The following NAV2 variants were observed in gnomAD, a reference collection of about 807,000 sequenced individuals.
NAV2 encodes the protein neuron navigator 2.
A neutral mutation model predicts 223.2 loss-of-function variants in NAV2; 54 were observed. The ratio of observed to expected loss-of-function variants is 0.24; its 90% CI spans 0.19 to 0.30. The LOEUF (loss-of-function observed/expected upper bound fraction) is 0.30. NAV2 is among the 10% of genes least tolerant of loss of function. NAV2 has a pLI of 1.00. For missense variants in NAV2, 2,806 were observed against 3,147.5 expected (o/e 0.89, Z 2.60); for synonymous variants, 1,279 against 1,239.3 (o/e 1.03, Z -0.67).
chr11:20,033,346 C>T (rs1486848435), intron 11 of NAV2, among the ~76,000 whole-genome samples: 5 of 152,264 alleles, frequency 3.3e-5, no homozygotes, highest in Non-Finnish European at 7.3e-5. Flanking sequence ...TAGGACGGCC[C>T]TTTGTATAGA....
intron 14 of NAV2, among the ~76,000 whole-genome samples, chr11:20,046,085 C>T (rs777125361): frequency 5.3e-5 from 8 of 152,188 alleles, no homozygotes; most frequent in Non-Finnish European, 1.2e-4. Context: ...CCTGTAATCC[C>T]AGCACTTTGG....
At chr11:19,551,134 T>C (rs2044677159) in intron 1 of NAV2, among the ~76,000 whole-genome samples, 1 of 152,260 alleles carries the variant, frequency 6.6e-6, no homozygotes. Context: ...TTGCATGCTG[T>C]CCTGGGGGAA....
intron 3 of NAV2, among the ~76,000 whole-genome samples, chr11:19,862,306 C>G (rs993083485): frequency 1.3e-5 from 2 of 152,206 alleles, no homozygotes; most frequent in Non-Finnish European, 2.9e-5. Context: ...AAGGCAGGAG[C>G]TGGGCAAGGT....
At chr11:19,814,507 G>A (rs1044442004) in intron 1 of NAV2, among the ~76,000 whole-genome samples, 4 of 152,314 alleles carry the variant, frequency 2.6e-5, no homozygotes, top group South Asian at 2.1e-4. Flanking sequence ...AAAAAGGCAA[G>A]ATGCATTTTT....
At chr11:19,547,406 G>T (rs989955239) in intron 1 of NAV2, among the ~76,000 whole-genome samples, 2 of 152,166 alleles carry the variant, frequency 1.3e-5, no homozygotes, top group Non-Finnish European at 2.9e-5. Flanking sequence ...CTTTCTTCTG[G>T]TTTTTCTAAT....
intron 28 of NAV2, 41 bp downstream of exon 28, chr11:20,092,409 A>G: frequency 6.3e-7 from 1 of 1,581,540 alleles, no homozygotes; most frequent in Non-Finnish European, 8.6e-7. Flanking sequence ...ATGGACCTAC[A>G]GCTGGCACCC....
intron 1 of NAV2, among the ~76,000 whole-genome samples, chr11:19,618,394 A>ATGGG (rs1379105224): frequency 4.5e-4 from 15 of 33,620 alleles, no homozygotes; most frequent in South Asian, 4.4e-3. Context: ...GGATGGATGG[A>ATGGG]TGAATAGATG....
intron 1 of NAV2, among the ~76,000 whole-genome samples, chr11:19,801,168 C>T (rs2058227189): frequency 6.6e-6 from 1 of 152,322 alleles, no homozygotes; most frequent in Non-Finnish European, 1.5e-5. Flanking sequence ...ATGTGGCAGC[C>T]AGACAGGTCA....
chr11:19,642,277 G>A (rs1311970719), intron 1 of NAV2, among the ~76,000 whole-genome samples: 1 of 152,156 alleles, frequency 6.6e-6, no homozygotes. Context: ...TAAGCTCCAG[G>A]GTGCTTCATC....
intron 36 of NAV2, 33 bp from the exon 37 acceptor site, chr11:20,114,559 C>A (rs1443069949): frequency 6.2e-7 from 1 of 1,610,106 alleles, no homozygotes; most frequent in Non-Finnish European, 8.5e-7. Context: ...ATCTGGGCCA[C>A]TTCCAGACTG....
At chr11:19,445,957 T>C (rs114972799) in intron 1 of NAV2, among the ~76,000 whole-genome samples, 14 of 152,304 alleles carry the variant, frequency 9.2e-5, no homozygotes, top group African/African-American at 3.4e-4. Flanking sequence ...CCATTCTCTG[T>C]TGTAGACTCA....
intron 10 of NAV2, among the ~76,000 whole-genome samples, chr11:19,967,379 A>AG (rs1249132262): frequency 7.0e-6 from 1 of 142,290 alleles, no homozygotes; most frequent in Non-Finnish European, 1.5e-5. Flanking sequence ...CTAGGTTTTA[A>AG]GGGGTTCAGA....
intron 10 of NAV2, among the ~76,000 whole-genome samples, chr11:19,955,746 G>T (rs111972937): frequency 0.013 from 1,911 of 152,296 alleles, 48 homozygotes; most frequent in African/African-American, 0.044. Context: ...ATCAAAGGGG[G>T]TAGATTAATA....
At chr11:19,626,269 A>G (rs1166725877) in intron 1 of NAV2, among the ~76,000 whole-genome samples, 1 of 152,156 alleles carries the variant, frequency 6.6e-6, no homozygotes, top group Non-Finnish European at 1.5e-5. Flanking sequence ...TCCCAACACC[A>G]TTTATTGAAG....
intron 1 of NAV2, among the ~76,000 whole-genome samples, chr11:19,666,838 G>A (rs571032739): frequency 6.6e-6 from 1 of 152,234 alleles, no homozygotes; most frequent in South Asian, 2.1e-4. Context: ...AAAAATGCAG[G>A]TGTTTAGGTA....
intron 1 of NAV2, among the ~76,000 whole-genome samples, chr11:19,781,676 C>T (rs566114125): frequency 7.2e-4 from 109 of 152,032 alleles, no homozygotes; most frequent in African/African-American, 2.4e-3. Context: ...TATATTGCTC[C>T]CTCCCAAAGG....
chr11:20,044,233 C>G lies in NAV2; in HGVS notation c.3160C>G (p.Pro1054Ala), dbSNP rs3802800. 0.97 allele frequency: 1,561,324 copies of G among 1,613,576 alleles called. 758,851 individuals are homozygous for G. The highest frequency in any genetic ancestry group is 0.99 in the South Asian group (90,365 of 91,074). Reference protein sequence around the residue: ...QVGITMPRTKPSAPAGALKTP... With the variant: ...QVGITMPRTKASAPAGALKTP... ...GGGCATCACCATGCCAAGGACGAAG[C>G]CTTCAGCCCCGGCAGGCGCACTGAA... The change falls in exon 13 of 38, where the codon CCT (proline) becomes GCT (alanine). Residue 1054 changes from proline to alanine, a missense_variant. By Grantham distance (27) the Pro-to-Ala change is conservative (BLOSUM62 -1). Around this residue, in one of 4 missense-constraint regions of NAV2, gnomAD observed 742 missense variants for 777.9 expected, o/e 0.95. Transcript: ENST00000349880.
At chr11:19,671,305 G>A (rs758061530) in intron 1 of NAV2, among the ~76,000 whole-genome samples, 11 of 152,162 alleles carry the variant, frequency 7.2e-5, no homozygotes, top group Non-Finnish European at 1.2e-4. Context: ...AATTTATGGC[G>A]TGATTTCTTA....
At chr11:19,632,650 G>C (rs572059808) in intron 1 of NAV2, among the ~76,000 whole-genome samples, 1 of 152,204 alleles carries the variant, frequency 6.6e-6, no homozygotes. Context: ...GTCTCCTGAA[G>C]CTATTATTGA....
Sources: gnomAD v4.1 joint callset for allele counts (sites outside exome capture counted in the v4.1 genomes callset) on GRCh38, gnomAD v4.1.1 for gene constraint, gnomAD v4.1.1 regional missense constraint, MANE v1.5 for transcripts, NCBI Gene and HGNC (gene_info 2026-07-23, HGNC 2026-07-21) for gene names.